S100A1: variants seen among roughly 807,000 people sequenced by gnomAD.
S100A1 encodes the protein S100 calcium binding protein A1.
In S100A1, 3 loss-of-function variants were observed where a neutral mutation model predicts 7.6. That is an observed-to-expected ratio of 0.40 (90% confidence interval 0.18 to 1.02). The LOEUF is 1.02. Ranked by LOEUF, S100A1 falls within the 50% of genes least tolerant of loss-of-function variation. S100A1 has a pLI of 0.35. For missense variants in S100A1, 126 were observed against 115.0 expected (o/e 1.10, Z -0.44); for synonymous variants, 49 against 49.0 (o/e 1.00, Z 0.00).
Position 153,631,893 on chromosome 1 carries a change from C to G in S100A1, c.*52C>G, listed in dbSNP as rs1313056813. Reference sequence around the variant, plus strand: ...TTCCTCTCCACCCTCCCAGACCTGCCTCTTCCCCCTGCTTCCACCTCACCC... The same window carrying G: ...TTCCTCTCCACCCTCCCAGACCTGCGTCTTCCCCCTGCTTCCACCTCACCC... On this transcript the variant is annotated 3_prime_UTR_variant, in exon 3 of 3. Transcript: ENST00000292169. The G allele has an allele frequency of 6.3e-7, 1 of 1,590,392 alleles. No homozygotes were observed. Among genetic ancestry groups the G allele is most frequent in the Admixed American group, 1.7e-5 (1 of 59,034 alleles).
chr1:153,631,057 T>C (rs1454296767), intron 2 of S100A1: 4 of 298,428 alleles, frequency 1.3e-5, no homozygotes, highest in Non-Finnish European at 2.5e-5. Flanking sequence ...ACTTGAACCA[T>C]GGATTTCCAT....
At chr1:153,631,331 A>C in intron 2 of S100A1, 1 of 903,568 alleles carries the variant, frequency 1.1e-6, no homozygotes, top group East Asian at 2.7e-5. Context: ...CTTTGGGCAT[A>C]TTTATTTAAC....
At position 153,630,594 on chromosome 1, in the gene S100A1, G is replaced by A; in HGVS notation, c.73G>A (p.Asp25Asn). Residue 25 changes from aspartate (D) to asparagine (N), a missense_variant, in exon 2 of 3, where the codon GAC becomes AAC. By Grantham distance (23) the Asp-to-Asn change is conservative. Transcript: ENST00000292169. ...CCACGCCCACTCGGGCAAAGAGGGG[G>A]ACAAGTACAAGCTGAGCAAGAAGGA... ...VFHAHSGKEG[D>N]KYKLSKKELK... 2 of 1,614,258 alleles carry A rather than the reference G, an allele frequency of 1.2e-6. No homozygotes were observed. Among genetic ancestry groups the A allele is most frequent in the Non-Finnish European group, 1.7e-6 (2 of 1,180,048 alleles).
At position 153,631,946 on chromosome 1, in the gene S100A1, T is replaced by C. The variant is rs1128894; in HGVS notation, c.*105T>C. The C allele has an allele frequency of 0.57, 756,275 of 1,335,742 alleles. 211,714 individuals are homozygous for C. The highest frequency in any genetic ancestry group is 0.73 in the Admixed American group (30,428 of 41,644). The allele number at this position is 1,335,742 out of a possible 1,614,324, so 82.7% of individuals were successfully genotyped here. ...CTTATCCCTCTCCATAACCCCACCCTTGCCCACCCCACCCCCACCCCCACC... is the reference window on the plus strand; with the variant it reads ...CTTATCCCTCTCCATAACCCCACCCCTGCCCACCCCACCCCCACCCCCACC... On this transcript the variant is annotated 3_prime_UTR_variant, in exon 3 of 3. Coordinates refer to ENST00000292169, the MANE Select transcript of S100A1 (RefSeq NM_006271.2).
At chr1:153,628,620 A>G (rs1667817598) in intron 1 of S100A1, 124 bp downstream of exon 1, 1 of 1,439,670 alleles carries the variant, frequency 6.9e-7, no homozygotes, top group Non-Finnish European at 9.2e-7. Context: ...GGGAGGAGTC[A>G]GTCAGGGTGA....
chr1:153,628,862 TG>T, intron 1 of S100A1: 1 of 263,278 alleles, frequency 3.8e-6, no homozygotes, highest in Non-Finnish European at 7.4e-6. Flanking sequence ...CCTCGCCTCC[TG>T]TGGGGTAAGA....
At chr1:153,631,480 G>T in intron 2 of S100A1, 1 of 1,599,932 alleles carries the variant, frequency 6.3e-7, no homozygotes, top group Non-Finnish European at 8.5e-7. Context: ...TGAACATACG[G>T]TAACTGGTGT....
At chr1:153,629,002 T>C (rs1205966514) in intron 1 of S100A1, 1 of 157,938 alleles carries the variant, frequency 6.3e-6, no homozygotes, top group Non-Finnish European at 1.4e-5. Context: ...AAAGCTCCCA[T>C]GATATGGGGA....
intron 2 of S100A1, 66 bp from the exon 3 acceptor site, chr1:153,631,632 C>G (rs1447777333): frequency 4.3e-6 from 7 of 1,613,540 alleles, no homozygotes; most frequent in African/African-American, 1.3e-5. Flanking sequence ...TCAACCACCC[C>G]CTTGCCTCTG....
At chr1:153,631,676 T>C in intron 2 of S100A1, 22 bp from the exon 3 acceptor site, 2 of 1,614,080 alleles carry the variant, frequency 1.2e-6, no homozygotes, top group Non-Finnish European at 1.7e-6. Context: ...TACACCTCCC[T>C]CTTCCTCTCC....
chr1:153,630,427 C>T (rs1667937251), intron 1 of S100A1, 82 bp from the exon 2 acceptor site: 1 of 1,518,476 alleles, frequency 6.6e-7, no homozygotes, highest in African/African-American at 1.4e-5. Flanking sequence ...TCAGCCAGGG[C>T]CAGTCCTGAG....
intron 1 of S100A1, chr1:153,630,302 T>C: frequency 3.3e-6 from 2 of 603,438 alleles, no homozygotes; most frequent in Non-Finnish European, 5.6e-6. Context: ...GGGTACAGAC[T>C]GAGGGACACA....
intron 2 of S100A1, 141 bp from the exon 3 acceptor site, chr1:153,631,557 G>C: frequency 6.2e-7 from 1 of 1,613,906 alleles, no homozygotes; most frequent in Admixed American, 1.7e-5. Context: ...CAAGACCTTT[G>C]AGGAGGCCTA....
At chr1:153,630,832 A>G (rs1390301012) in intron 2 of S100A1, among the ~76,000 whole-genome samples, 170 bp downstream of exon 2, 1 of 152,178 alleles carries the variant, frequency 6.6e-6, no homozygotes, top group Non-Finnish European at 1.5e-5. Context: ...TCCTGGGTCA[A>G]GTCAAAATGC....
intron 2 of S100A1, chr1:153,631,251 A>C: frequency 1.8e-6 from 1 of 568,428 alleles, no homozygotes; most frequent in Non-Finnish European, 3.1e-6. Context: ...ATACGGTAGA[A>C]AGTGCACCGG....
In S100A1 at chr1:153,631,945, C is replaced by A; in HGVS notation, c.*104C>A. The A allele has an allele frequency of 7.4e-7, 1 of 1,356,992 alleles. No individual in the cohort carries two copies. The highest frequency in any genetic ancestry group is 2.5e-5 in the East Asian group (1 of 39,762). 84.1% of individuals were successfully genotyped at this position (1,356,992 alleles called of 1,614,324 possible). ...ACTTATCCCTCTCCATAACCCCACCCTTGCCCACCCCACCCCCACCCCCAC... is the reference window on the plus strand; with the variant it reads ...ACTTATCCCTCTCCATAACCCCACCATTGCCCACCCCACCCCCACCCCCAC... On this transcript the variant is annotated 3_prime_UTR_variant, in exon 3 of 3. Coordinates refer to ENST00000292169, the MANE Select transcript of S100A1 (RefSeq NM_006271.2).
intron 2 of S100A1, chr1:153,631,146 T>TG (rs1557931652): frequency 6.2e-6 from 2 of 324,838 alleles, no homozygotes; most frequent in African/African-American, 4.2e-5. Flanking sequence ...AAGAAGAATG[T>TG]GGAGCATGTC....
At chr1:153,630,902 C>T in intron 2 of S100A1, 1 of 505,278 alleles carries the variant, frequency 2.0e-6, no homozygotes, top group Non-Finnish European at 3.5e-6. Flanking sequence ...AATAATAAGA[C>T]ACACAGACTT....
intron 1 of S100A1, chr1:153,629,231 TGGCA>T (rs1375478944): frequency 1.3e-5 from 2 of 152,322 alleles, no homozygotes; most frequent in African/African-American, 2.4e-5. Context: ...GCTGCCCCTC[TGGCA>T]TGGAGCAGGT....
Sources: allele counts gnomAD v4.1 joint callset (sites outside exome capture counted in the v4.1 genomes callset), GRCh38; gene constraint gnomAD v4.1.1; transcripts MANE v1.5; gene names NCBI Gene and HGNC (gene_info 2026-07-23, HGNC 2026-07-21).